ZBTB20: variants seen among roughly 807,000 people sequenced by gnomAD.
ZBTB20 encodes zinc finger and BTB domain containing 20.
Under a neutral mutation model 56.9 loss-of-function variants are expected in ZBTB20, and 9 were observed. The observed-to-expected ratio is 0.16, with a 90% CI of 0.10 to 0.28. The LOEUF is 0.28. Among genes scored for constraint, ZBTB20 ranks in the 10% least tolerant of loss-of-function variants. ZBTB20 has a pLI of 1.00. For missense variants in ZBTB20, 655 were observed against 1,003.0 expected (o/e 0.65, Z 4.69); for synonymous variants, 417 against 420.7 (o/e 0.99, Z 0.11).
At chr3:115,121,141 C>G (rs2084171400) in intron 1 of ZBTB20, among the ~76,000 whole-genome samples, 1 of 152,038 alleles carries the variant, frequency 6.6e-6, no homozygotes, top group South Asian at 2.1e-4. Context: ...GTTTTATAAA[C>G]TGTGCCTAAA....
intron 4 of ZBTB20, among the ~76,000 whole-genome samples, chr3:114,848,927 A>T (rs2074859023): frequency 6.6e-6 from 1 of 152,202 alleles, no homozygotes; most frequent in South Asian, 2.1e-4. Context: ...CCTTAATGAC[A>T]AAGAGCCCTG....
chr3:114,658,810 C>G (rs1359694849), intron 6 of ZBTB20: 1 of 152,218 alleles, frequency 6.6e-6, no homozygotes, highest in Non-Finnish European at 1.5e-5. Flanking sequence ...ACATTCATCT[C>G]TTCCCATGTT....
chr3:114,577,559 G>A (rs907355155), intron 6 of ZBTB20, among the ~76,000 whole-genome samples: 4 of 152,200 alleles, frequency 2.6e-5, no homozygotes, highest in African/African-American at 7.2e-5. Flanking sequence ...CCATGGTGCT[G>A]AAGCCATAGG....
rs12054140 is a variant in ZBTB20 at position 114,514,474 on chromosome 3, G to T, written c.-294-14083C>A. Among the ~76,000 whole-genome samples the T allele has an allele frequency of 2.6e-3, 393 of 152,296 alleles. 12 individuals carry two copies. The East Asian group carries it at 0.063, about 25-fold the overall frequency. On this transcript the variant is annotated intron_variant, in intron 6 of 11. Coordinates refer to ENST00000675478, the MANE Select transcript of ZBTB20 (RefSeq NM_001348800.3). ...AGCAGAGCTTTTCTTACGAATACCA[G>T]AGAGAGACACCCAGGTTCATCTAAA...
chr3:114,722,408 A>G (rs2064980551), intron 5 of ZBTB20, among the ~76,000 whole-genome samples: 1 of 152,222 alleles, frequency 6.6e-6, no homozygotes, highest in South Asian at 2.1e-4. Flanking sequence ...TGTTTAACTT[A>G]CAAAACCACA....
chr3:115,131,791 T>C (rs982761571), intron 1 of ZBTB20, among the ~76,000 whole-genome samples: 1 of 152,218 alleles, frequency 6.6e-6, no homozygotes, highest in African/African-American at 2.4e-5. Context: ...GAATATACTT[T>C]CATTTTTTTA....
intron 4 of ZBTB20, among the ~76,000 whole-genome samples, chr3:114,890,064 A>G (rs1244347271): frequency 6.6e-6 from 1 of 152,190 alleles, no homozygotes; most frequent in Non-Finnish European, 1.5e-5. Flanking sequence ...GTGATAACAG[A>G]GAAACTTAAA....
intron 6 of ZBTB20, among the ~76,000 whole-genome samples, chr3:114,684,994 TTCCA>T (rs2062242216): frequency 1.3e-5 from 2 of 152,110 alleles, no homozygotes; most frequent in East Asian, 3.9e-4. Context: ...ACAAAGCTCT[TTCCA>T]TCTTATATCC....
intron 3 of ZBTB20, among the ~76,000 whole-genome samples, chr3:114,948,537 A>G (rs1376315036): frequency 6.8e-6 from 1 of 146,068 alleles, no homozygotes; most frequent in Non-Finnish European, 1.5e-5. Flanking sequence ...AAGAACCCAC[A>G]AAGTCTAATA....
At chr3:114,472,986 C>T (rs1453301648) in intron 7 of ZBTB20, among the ~76,000 whole-genome samples, 2 of 152,212 alleles carry the variant, frequency 1.3e-5, no homozygotes, top group South Asian at 2.1e-4. Flanking sequence ...TGTGCTGAGT[C>T]TGCACAGAAG....
At chr3:114,556,216 G>C (rs539512719) in intron 6 of ZBTB20, among the ~76,000 whole-genome samples, 2 of 152,110 alleles carry the variant, frequency 1.3e-5, no homozygotes, top group South Asian at 4.1e-4. Flanking sequence ...ACAGTTATGT[G>C]GTATGAACTC....
intron 6 of ZBTB20, among the ~76,000 whole-genome samples, chr3:114,566,072 T>C (rs1368563211): frequency 2.0e-5 from 3 of 151,380 alleles, no homozygotes; most frequent in Non-Finnish European, 2.9e-5. Flanking sequence ...CCTATTTACT[T>C]AGGATTCGTT....
At chr3:115,104,305 A>T (rs914797826) in intron 1 of ZBTB20, among the ~76,000 whole-genome samples, 1 of 152,214 alleles carries the variant, frequency 6.6e-6, no homozygotes, top group African/African-American at 2.4e-5. Context: ...TTCTTACAAA[A>T]CTAAACACAT....
chr3:114,641,889 C>T (rs1294908241), intron 6 of ZBTB20, among the ~76,000 whole-genome samples: 1 of 151,922 alleles, frequency 6.6e-6, no homozygotes, highest in African/African-American at 2.4e-5. Flanking sequence ...GTTTAACAGA[C>T]ATTTCTTTAA....
intron 5 of ZBTB20, among the ~76,000 whole-genome samples, chr3:114,701,657 G>C (rs1037795414): frequency 6.6e-6 from 1 of 152,026 alleles, no homozygotes; most frequent in African/African-American, 2.4e-5. Flanking sequence ...AAAAAGTTGC[G>C]AAGTGAGGTT....
intron 1 of ZBTB20, among the ~76,000 whole-genome samples, chr3:115,095,340 T>C (rs1464314925): frequency 6.6e-6 from 1 of 152,136 alleles, no homozygotes; most frequent in African/African-American, 2.4e-5. Flanking sequence ...TTAACTGAAC[T>C]ACAAAACACC....
intron 1 of ZBTB20, among the ~76,000 whole-genome samples, chr3:115,146,137 A>C (rs1441544819): frequency 6.6e-6 from 1 of 152,220 alleles, no homozygotes; most frequent in African/African-American, 2.4e-5. Context: ...TGATTCATTC[A>C]GATTTTCATT....
At chr3:114,736,020 C>A (rs2108567332) in intron 5 of ZBTB20, among the ~76,000 whole-genome samples, 1 of 152,220 alleles carries the variant, frequency 6.6e-6, no homozygotes, top group East Asian at 1.9e-4. Context: ...GTAGAGTAGT[C>A]AAACCAGAAT....
At chr3:114,708,963 A>C (rs1484147695) in intron 5 of ZBTB20, among the ~76,000 whole-genome samples, 1 of 152,104 alleles carries the variant, frequency 6.6e-6, no homozygotes, top group East Asian at 1.9e-4. Flanking sequence ...TAAAGGCCTA[A>C]AAGTGACCCT....
Sources: gnomAD v4.1 joint callset for allele counts (sites outside exome capture counted in the v4.1 genomes callset) on GRCh38, gnomAD v4.1.1 for gene constraint, MANE v1.5 for transcripts, NCBI Gene and HGNC (gene_info 2026-07-23, HGNC 2026-07-21) for gene names.